The following COL4A2 variants were observed in gnomAD, a reference collection of about 807,000 sequenced individuals.
COL4A2 encodes the protein collagen type IV alpha 2 chain.
Under a neutral mutation model 200.2 loss-of-function variants are expected in COL4A2, and 99 were observed. The observed-to-expected ratio is 0.49, with a 90% CI of 0.42 to 0.58. The LOEUF (loss-of-function observed/expected upper bound fraction) is 0.58, where lower values mean the gene tolerates loss of function less well. COL4A2 is among the 20% of genes least tolerant of loss of function. COL4A2 has a pLI of 0.00. For synonymous variants in COL4A2, 897 were observed against 900.6 expected (o/e 1.00, Z 0.07); for missense variants, 1,950 against 2,314.1 (o/e 0.84, Z 3.23).
chr13:110,472,449 T>C (rs964904692), intron 28 of COL4A2, among the ~76,000 whole-genome samples: 10 of 152,108 alleles, frequency 6.6e-5, no homozygotes, highest in Non-Finnish European at 1.3e-4. Context: ...TTGAAGCGTT[T>C]CCCAACCGAC....
chr13:110,351,213 T>TA (rs201729344), intron 3 of COL4A2, among the ~76,000 whole-genome samples: 23,042 of 141,116 alleles, frequency 0.16, 5,434 homozygotes, highest in African/African-American at 0.52. Flanking sequence ...CACACCCAGC[T>TA]ATTCTTTTTG....
chr13:110,510,931 C>T (rs1884062468), intron 47 of COL4A2, among the ~76,000 whole-genome samples: 1 of 152,216 alleles, frequency 6.6e-6, no homozygotes, highest in Non-Finnish European at 1.5e-5. Context: ...CAGGGCTGGA[C>T]AGGCTTCTGC....
At chr13:110,448,302 C>T (rs1430243880) in intron 18 of COL4A2, among the ~76,000 whole-genome samples, 4 of 152,244 alleles carry the variant, frequency 2.6e-5, no homozygotes, top group African/African-American at 7.2e-5. Flanking sequence ...GAGAACCCAA[C>T]TCTCACCAAC....
At chr13:110,430,961 T>G (rs547962094) in intron 10 of COL4A2, 8 of 472,862 alleles carry the variant, frequency 1.7e-5, no homozygotes, top group Non-Finnish European at 2.9e-5. Context: ...AAGGAGGAAA[T>G]GGAGGTCTGC....
At chr13:110,435,149 G>T (rs1213981749) in intron 12 of COL4A2, among the ~76,000 whole-genome samples, 1 of 152,186 alleles carries the variant, frequency 6.6e-6, no homozygotes, top group Non-Finnish European at 1.5e-5. Flanking sequence ...TCCTGCTCAT[G>T]TGTGAAGAAG....
intron 4 of COL4A2, among the ~76,000 whole-genome samples, chr13:110,378,566 T>A (rs1352584167): frequency 6.6e-6 from 1 of 152,158 alleles, no homozygotes; most frequent in Non-Finnish European, 1.5e-5. Context: ...TAAGATTGAT[T>A]TAGGAAGAGC....
In COL4A2 at chr13:110,307,667, G is replaced by C; in HGVS notation, c.-45+139G>C. ...TGGGAGAGCGAAGACCGAGCTCCTC[G>C]GCCAAGGAGCACCCACAGGGGCCTA... On this transcript the variant is annotated intron_variant, in intron 1 of 47. Coordinates refer to ENST00000360467, the MANE Select transcript of COL4A2 (RefSeq NM_001846.4). The surrounding 1 kb of genome is among the most constrained non-coding windows in gnomAD (Gnocchi z 5.0). 1.7e-6 allele frequency: 1 copy of C among 576,602 alleles called. No homozygotes were observed. Among genetic ancestry groups the C allele is most frequent in the Non-Finnish European group, 3.0e-6 (1 of 329,904 alleles). The allele number at this position is 576,602 out of a possible 1,614,324, so 35.7% of individuals were successfully genotyped here.
At chr13:110,432,423 T>G (rs1880717577) in intron 11 of COL4A2, 63 bp downstream of exon 11, 1 of 1,532,572 alleles carries the variant, frequency 6.5e-7, no homozygotes, top group Non-Finnish European at 8.7e-7. Flanking sequence ...TGGGTTTGTT[T>G]GTTTTTTACC....
rs1323931900 is a variant in COL4A2, at chr13:110,465,409, A to T, written c.1781A>T (p.Asp594Val). 6.2e-7 allele frequency: 1 copy of T among 1,605,422 alleles called. No homozygotes were observed. The highest frequency in any genetic ancestry group is 8.5e-7 in the Non-Finnish European group (1 of 1,177,752). ...ATAAACTGAATTTTCACACAGGGTGATGGCATCAAGGGCCCTCCAGGGGAC... is the reference window on the plus strand; with the variant it reads ...ATAAACTGAATTTTCACACAGGGTGTTGGCATCAAGGGCCCTCCAGGGGAC... ...GFPGLPGPPG[D>V]GIKGPPGDPG... Residue 594 changes from aspartate to valine, a missense_variant, in exon 25 of 48, where the codon GAT (aspartate) becomes GTT (valine). Physicochemically the swap from Asp to Val is radical, Grantham distance 152 (BLOSUM62 -3). Coordinates refer to ENST00000360467, the MANE Select transcript of COL4A2 (RefSeq NM_001846.4).
chr13:110,360,470 T>G (rs1234840613), intron 4 of COL4A2, among the ~76,000 whole-genome samples: 1 of 152,238 alleles, frequency 6.6e-6, no homozygotes, highest in Non-Finnish European at 1.5e-5. Flanking sequence ...CAGAGGTCTT[T>G]TCAGTGAGGT....
rs368876298 is a variant in COL4A2 at position 110,478,776 on chromosome 13, GT to G, written c.2587+616del. Among the ~76,000 whole-genome samples the G allele has an allele frequency of 2.9e-3, 439 of 151,448 alleles. 3 individuals carry two copies. In the Middle Eastern group the frequency reaches 0.048, roughly 16 times the overall value. ...AATCAATGTACTTTCCCCCCTTTTTGTTTTGTCCAGAAAAACAGCTTTTTAA... is the reference window on the plus strand; with the variant it reads ...AATCAATGTACTTTCCCCCCTTTTTGTTTGTCCAGAAAAACAGCTTTTTAA... On this transcript the variant is annotated intron_variant, in intron 30 of 47. Transcript: ENST00000360467.
intron 20 of COL4A2, among the ~76,000 whole-genome samples, chr13:110,454,318 TCA>T: frequency 6.6e-6 from 1 of 152,292 alleles, no homozygotes; most frequent in East Asian, 1.9e-4. Flanking sequence ...GCTGTCACCC[TCA>T]GAGAGCCACT....
At chr13:110,312,132 A>T (rs895462658) in intron 3 of COL4A2, among the ~76,000 whole-genome samples, 1 of 152,334 alleles carries the variant, frequency 6.6e-6, no homozygotes, top group East Asian at 1.9e-4. Context: ...AAGAAGGGAA[A>T]AGCACGGGGT....
chr13:110,434,301 C>A lies in COL4A2; in HGVS notation c.685-100C>A, dbSNP rs78168400. ...CAAATATAGTTGCTCAGTAAAGTTG[C>A]CGATAAATAGGCCTTGGGTTTCTTT... On this transcript the variant is annotated intron_variant, in intron 11 of 47. Transcript: ENST00000360467. 533 of 1,073,676 alleles carry A rather than the reference C, an allele frequency of 5.0e-4. 3 individuals carry two copies. In the African/African-American group the frequency reaches 7.7e-3, roughly 15 times the overall value. The allele number at this position is 1,073,676 out of a possible 1,614,324, so 66.5% of individuals were successfully genotyped here.
intron 8 of COL4A2, 94 bp downstream of exon 8, chr13:110,430,050 A>G: frequency 7.8e-7 from 1 of 1,282,174 alleles, no homozygotes; most frequent in Non-Finnish European, 1.1e-6. Flanking sequence ...GCATGTAAGA[A>G]TGAATGTACT....
In COL4A2 at chr13:110,495,408, C is replaced by A; in HGVS notation, c.3701C>A (p.Ala1234Asp). Residue 1234 changes from alanine (A) to aspartate (D), a missense_variant, in exon 40 of 48, where the codon GCC becomes GAC. Transcript: ENST00000360467. ...PPGERGDPGE[A>D]NTLPGPVGVP... ...GGGGAAAGAGGTGACCCAGGAGAGG[C>A]CAACACCCTTCCAGGCCCTGTGGGA... The A allele has an allele frequency of 6.2e-7, 1 of 1,614,084 alleles. No homozygotes were observed. Among genetic ancestry groups the A allele is most frequent in the Non-Finnish European group, 8.5e-7 (1 of 1,180,008 alleles).
At chr13:110,393,185 T>G (rs1879053227) in intron 4 of COL4A2, among the ~76,000 whole-genome samples, 1 of 152,250 alleles carries the variant, frequency 6.6e-6, no homozygotes. Flanking sequence ...TCATCTCATG[T>G]GCTTTTCTTT....
At chr13:110,329,927 A>G (rs1875822031) in intron 3 of COL4A2, among the ~76,000 whole-genome samples, 1 of 152,232 alleles carries the variant, frequency 6.6e-6, no homozygotes, top group Non-Finnish European at 1.5e-5. Flanking sequence ...GCAGTGAAAT[A>G]CGATATGACG....
intron 24 of COL4A2, 59 bp from the exon 25 acceptor site, chr13:110,465,346 G>A (rs1462105779): frequency 1.2e-5 from 19 of 1,525,330 alleles, no homozygotes; most frequent in Admixed American, 2.2e-5. Flanking sequence ...AAACAGGGAA[G>A]TCGAGGCGAT....
Sources: allele counts gnomAD v4.1 joint callset (sites outside exome capture counted in the v4.1 genomes callset), GRCh38; gene constraint gnomAD v4.1.1; non-coding constraint Gnocchi (gnomAD v3.1); transcripts MANE v1.5; gene names NCBI Gene and HGNC (gene_info 2026-07-23, HGNC 2026-07-21).